The following SLC49A4 variants were observed in gnomAD, a reference collection of about 807,000 sequenced individuals.
SLC49A4 encodes the protein disrupted in renal cancer protein 2.
In SLC49A4, 36 loss-of-function variants were observed where a neutral mutation model predicts 50.6. That is an observed-to-expected ratio of 0.71 (90% CI 0.55 to 0.94). The LOEUF (loss-of-function observed/expected upper bound fraction) is 0.94, where lower values mean the gene tolerates loss of function less well. SLC49A4 is among the 40% of genes least tolerant of loss of function. SLC49A4 has a pLI of 0.00. For missense variants in SLC49A4, 503 were observed against 605.7 expected, an observed-to-expected ratio of 0.83 and a Z score of 1.78; for synonymous variants, 248 against 241.2, an observed-to-expected ratio of 1.03 and a Z score of -0.26.
intron 4 of SLC49A4, among the ~76,000 whole-genome samples, chr3:122,839,886 G>A (rs1936744153): frequency 1.3e-5 from 2 of 152,086 alleles, no homozygotes; most frequent in Non-Finnish European, 2.9e-5. Flanking sequence ...TCCCACTACT[G>A]GTGTCTACCC....
At chr3:122,824,713 TTTC>T (rs1560206615) in intron 2 of SLC49A4, among the ~76,000 whole-genome samples, 2 of 142,632 alleles carry the variant, frequency 1.4e-5, no homozygotes, top group African/African-American at 5.5e-5. Context: ...TTTCCTTTCC[TTTC>T]TTTTTTTTTC....
chr3:122,802,111 A>G (rs1018644115), intron 1 of SLC49A4, among the ~76,000 whole-genome samples: 3 of 152,228 alleles, frequency 2.0e-5, no homozygotes, highest in African/African-American at 7.2e-5. Flanking sequence ...CAGGAGTTCA[A>G]GACCAGCCTG....
intron 3 of SLC49A4, 60 bp downstream of exon 3, chr3:122,827,125 T>C: frequency 6.5e-7 from 1 of 1,548,492 alleles, no homozygotes; most frequent in Non-Finnish European, 8.8e-7. Context: ...TCATCTTCAC[T>C]CTACTTTTTG....
chr3:122,852,183 G>T (rs1480971833), intron 5 of SLC49A4, among the ~76,000 whole-genome samples: 1 of 151,956 alleles, frequency 6.6e-6, no homozygotes, highest in East Asian at 1.9e-4. Flanking sequence ...GTAGAGACGG[G>T]GTTTTGCCAT....
intron 1 of SLC49A4, among the ~76,000 whole-genome samples, chr3:122,799,842 G>C (rs1936105413): frequency 6.6e-6 from 1 of 152,202 alleles, no homozygotes; most frequent in Non-Finnish European, 1.5e-5. Context: ...GAAGGAAGGA[G>C]ACGAGTCTAA....
chr3:122,813,882 T>G (rs1054968051), intron 2 of SLC49A4, among the ~76,000 whole-genome samples: 4 of 152,232 alleles, frequency 2.6e-5, no homozygotes. Context: ...CTTTGCACCA[T>G]GCATTAAAAC....
intron 8 of SLC49A4, among the ~76,000 whole-genome samples, chr3:122,878,334 C>A (rs1295251403): frequency 6.6e-6 from 1 of 152,190 alleles, no homozygotes; most frequent in Non-Finnish European, 1.5e-5. Context: ...ACCACCTTCA[C>A]CAACCTCTTT....
chr3:122,809,172 A>G (rs1936263650), intron 2 of SLC49A4, among the ~76,000 whole-genome samples: 1 of 152,228 alleles, frequency 6.6e-6, no homozygotes, highest in African/African-American at 2.4e-5. Flanking sequence ...TTGAATTTCA[A>G]AATGTGTTTT....
At chr3:122,871,367 G>A (rs1209751581) in intron 7 of SLC49A4, among the ~76,000 whole-genome samples, 3 of 151,974 alleles carry the variant, frequency 2.0e-5, no homozygotes, top group Admixed American at 6.6e-5. Context: ...GTCATGGACT[G>A]TTAATGATTG....
intron 2 of SLC49A4, among the ~76,000 whole-genome samples, chr3:122,815,660 A>G (rs1355525182): frequency 6.6e-6 from 1 of 152,212 alleles, no homozygotes; most frequent in African/African-American, 2.4e-5. Context: ...GTCCTGTCCA[A>G]TTAATGCATC....
Position 122,795,247 on chromosome 3 carries a change from C to T in SLC49A4, c.55C>T (p.Leu19Phe), listed in dbSNP as rs1355256268. The T allele has an allele frequency of 6.5e-5, 88 of 1,347,926 alleles. No homozygotes were observed. Among genetic ancestry groups the T allele is most frequent in the Non-Finnish European group, 7.3e-5 (77 of 1,059,294 alleles). 83.5% of individuals were successfully genotyped at this position (1,347,926 alleles called of 1,614,324 possible). A position where few individuals can be genotyped will look rare whatever the true frequency, so the allele number is the denominator to read the frequency against. ...EERQPLLGPG[L>F]GPGLGASWRS... ...GAGGCAGCCGCTGCTGGGGCCCGGG[C>T]TCGGGCCTGGGCTGGGGGCCTCCTG... Residue 19 changes from leucine (L) to phenylalanine (F), a missense_variant, in exon 1 of 9, where the codon CTC (leucine) becomes TTC (phenylalanine). Coordinates refer to ENST00000261038, the MANE Select transcript of SLC49A4 (RefSeq NM_032839.3).
intron 8 of SLC49A4, among the ~76,000 whole-genome samples, chr3:122,877,642 T>A (rs539062180): frequency 2.0e-5 from 3 of 152,352 alleles, no homozygotes; most frequent in Middle Eastern, 3.4e-3. Flanking sequence ...TACTTTTTTT[T>A]ATCTGTTGCT....
At chr3:122,828,413 T>A (rs528833617) in intron 3 of SLC49A4, among the ~76,000 whole-genome samples, 1 of 152,262 alleles carries the variant, frequency 6.6e-6, no homozygotes, top group Non-Finnish European at 1.5e-5. Context: ...GAACGATGGT[T>A]AAATACAGTA....
At chr3:122,820,919 C>G (rs1254562122) in intron 2 of SLC49A4, among the ~76,000 whole-genome samples, 1 of 152,202 alleles carries the variant, frequency 6.6e-6, no homozygotes, top group East Asian at 1.9e-4. Context: ...TGGCTGTGTC[C>G]CCACCCAAAT....
intron 2 of SLC49A4, among the ~76,000 whole-genome samples, chr3:122,810,618 A>G (rs773905824): frequency 7.9e-5 from 12 of 152,362 alleles, no homozygotes; most frequent in Non-Finnish European, 1.6e-4. Context: ...ATGCATGTGC[A>G]GGATGTGCAG....
At chr3:122,813,165 C>T (rs892297109) in intron 2 of SLC49A4, among the ~76,000 whole-genome samples, 2 of 149,828 alleles carry the variant, frequency 1.3e-5, no homozygotes, top group Non-Finnish European at 3.0e-5. Flanking sequence ...CAGGAGAATC[C>T]GGGAGGTGGA....
intron 2 of SLC49A4, among the ~76,000 whole-genome samples, chr3:122,813,982 A>T (rs9841111): frequency 0.1 from 15,306 of 152,280 alleles, 778 homozygotes; most frequent in Non-Finnish European, 0.12. Context: ...TTTCCCAAGC[A>T]TAAAAACAAT....
intron 2 of SLC49A4, among the ~76,000 whole-genome samples, chr3:122,810,030 A>T (rs1430312779): frequency 6.6e-6 from 1 of 152,148 alleles, no homozygotes; most frequent in Middle Eastern, 3.2e-3. Context: ...TCTCCATCCG[A>T]TGTTCCAGGG....
intron 4 of SLC49A4, among the ~76,000 whole-genome samples, chr3:122,840,493 T>C (rs1015316706): frequency 6.6e-6 from 1 of 152,152 alleles, no homozygotes; most frequent in Non-Finnish European, 1.5e-5. Flanking sequence ...TAGAAATAAG[T>C]AAAATTAATA....
Sources: gnomAD v4.1 joint callset for allele counts (sites outside exome capture counted in the v4.1 genomes callset) on GRCh38, gnomAD v4.1.1 for gene constraint, MANE v1.5 for transcripts, NCBI Gene and HGNC (gene_info 2026-07-23, HGNC 2026-07-21) for gene names.